The following ACOT13 variants were observed in gnomAD, a reference collection of about 807,000 sequenced individuals.
ACOT13 encodes the protein acyl-coenzyme A thioesterase 13.
ACOT13 carries 10 observed loss-of-function variants against 11.8 expected under a neutral mutation model. The observed-to-expected ratio is 0.85, with a 90% CI of 0.53 to 1.44. ACOT13 has a LOEUF of 1.44. ACOT13 is among the 40% of genes most tolerant of loss of function. The pLI, the probability that ACOT13 is intolerant of heterozygous loss-of-function variation, is 0.00. For synonymous variants in ACOT13, 53 were observed against 61.0 expected (o/e 0.87, Z 0.61); for missense variants, 172 against 174.1 (o/e 0.99, Z 0.07).
At chr6:24,686,413 G>T (rs868677661) in intron 1 of ACOT13, among the ~76,000 whole-genome samples, 2 of 152,242 alleles carry the variant, frequency 1.3e-5, no homozygotes, top group South Asian at 4.1e-4. Context: ...TCACAGTTCT[G>T]CAGGCTGTAC....
intron 1 of ACOT13, among the ~76,000 whole-genome samples, chr6:24,688,862 G>T (rs1341210043): frequency 6.6e-6 from 1 of 152,190 alleles, no homozygotes; most frequent in African/African-American, 2.4e-5. Flanking sequence ...TTCACCATAT[G>T]AATTGGTGTT....
At chr6:24,670,418 A>G (rs1327190626) in intron 1 of ACOT13, among the ~76,000 whole-genome samples, 1 of 152,210 alleles carries the variant, frequency 6.6e-6, no homozygotes, top group Non-Finnish European at 1.5e-5. Context: ...TTCTTTACTT[A>G]GCACATATCA....
intron 1 of ACOT13, among the ~76,000 whole-genome samples, chr6:24,676,739 CTT>C (rs927328892): frequency 5.3e-5 from 8 of 152,204 alleles, no homozygotes; most frequent in Non-Finnish European, 2.9e-5. Context: ...CCTTGCCGCT[CTT>C]TTGGCTTCAA....
chr6:24,694,362 G>C (rs1384031369), intron 1 of ACOT13, among the ~76,000 whole-genome samples: 1 of 152,154 alleles, frequency 6.6e-6, no homozygotes, highest in Non-Finnish European at 1.5e-5. Context: ...GGTGATATTT[G>C]AGGGTAGGCT....
chr6:24,671,242 G>GA (rs1321695629), intron 1 of ACOT13, among the ~76,000 whole-genome samples: 1 of 152,098 alleles, frequency 6.6e-6, no homozygotes, highest in Admixed American at 6.5e-5. Context: ...ACTGGATTAA[G>GA]AAAAAATGAC....
chr6:24,673,076 T>C (rs1778388531), intron 1 of ACOT13, among the ~76,000 whole-genome samples: 1 of 152,198 alleles, frequency 6.6e-6, no homozygotes, highest in African/African-American at 2.4e-5. Flanking sequence ...TAAAAGCACA[T>C]ACAGGAAAAT....
intron 1 of ACOT13, among the ~76,000 whole-genome samples, chr6:24,679,934 G>A (rs1156510744): frequency 3.3e-5 from 5 of 152,184 alleles, no homozygotes; most frequent in East Asian, 3.9e-4. Flanking sequence ...TGGCTGGGCC[G>A]AATTCTGCTC....
intron 2 of ACOT13, among the ~76,000 whole-genome samples, chr6:24,700,251 A>G (rs1778870081): frequency 6.6e-6 from 1 of 152,210 alleles, no homozygotes; most frequent in Admixed American, 6.5e-5. Context: ...AGGGTTCCTT[A>G]TCTTCCCTCA....
intron 1 of ACOT13, among the ~76,000 whole-genome samples, chr6:24,672,978 T>C (rs903768037): frequency 5.9e-5 from 9 of 152,196 alleles, no homozygotes; most frequent in South Asian, 4.1e-4. Flanking sequence ...ACAGCTTCAA[T>C]TGCTGTCAGT....
chr6:24,701,380 T>C (rs1778888870), intron 2 of ACOT13, 79 bp from the exon 3 acceptor site: 1 of 1,312,302 alleles, frequency 7.6e-7, no homozygotes, highest in Non-Finnish European at 1.0e-6. Flanking sequence ...ATAAGTTACA[T>C]AGGAACACTG....
chr6:24,679,488 C>T (rs1331455673), intron 1 of ACOT13, among the ~76,000 whole-genome samples: 2 of 152,192 alleles, frequency 1.3e-5, no homozygotes, highest in Non-Finnish European at 2.9e-5. Context: ...GGATTTTCTT[C>T]CTTTCCCTGT....
intron 1 of ACOT13, among the ~76,000 whole-genome samples, chr6:24,676,813 CTGCCACCTCT>C (rs1174584495): frequency 1.3e-5 from 2 of 152,154 alleles, no homozygotes. Context: ...CAGTGTAAGA[CTGCCACCTCT>C]TTAGGTTTCT....
intron 2 of ACOT13, 70 bp downstream of exon 2, chr6:24,698,137 T>G (rs1472923271): frequency 7.6e-7 from 1 of 1,308,650 alleles, no homozygotes; most frequent in Admixed American, 3.1e-5. Flanking sequence ...ACTAAACACA[T>G]TTATATTATT....
chr6:24,670,063 C>T (rs114769317), intron 1 of ACOT13, among the ~76,000 whole-genome samples: 3,972 of 152,196 alleles, frequency 0.026, 78 homozygotes, highest in South Asian at 0.043. Flanking sequence ...AAAAATTAGG[C>T]AAGACTAGTA....
intron 1 of ACOT13, among the ~76,000 whole-genome samples, chr6:24,682,372 A>ATGG (rs1004850838): frequency 1.3e-5 from 2 of 152,144 alleles, no homozygotes; most frequent in African/African-American, 4.8e-5. Context: ...CACTTCCAAG[A>ATGG]TGGTGGCAAG....
rs369559481 is a variant in ACOT13 at position 24,672,553 on chromosome 6, C to T, written c.81+5209C>T. ...ACTCGGGAGGCTGAGGCAGGAGAAT[C>T]GCTTGAAGCCAGGAGGCGGAGGTTA... is the stretch of plus-strand genomic sequence containing the variant. On this transcript the variant is annotated intron_variant, in intron 1 of 2. Coordinates refer to ENST00000230048, the MANE Select transcript of ACOT13 (RefSeq NM_018473.4). 6.6e-5 allele frequency among the ~76,000 whole-genome samples: 10 copies of T among 152,262 alleles called. No individual in the cohort carries two copies. In the South Asian group the frequency reaches 1.2e-3, roughly 19 times the overall value.
chr6:24,699,258 G>A (rs1562163388), intron 2 of ACOT13, among the ~76,000 whole-genome samples: 3 of 145,296 alleles, frequency 2.1e-5, no homozygotes, highest in Admixed American at 7.1e-5. Flanking sequence ...GGCCCAGGCT[G>A]GAGTGCAGTG....
At chr6:24,698,447 G>A (rs956130672) in intron 2 of ACOT13, among the ~76,000 whole-genome samples, 6 of 152,148 alleles carry the variant, frequency 3.9e-5, no homozygotes, top group Admixed American at 3.9e-4. Flanking sequence ...AGCACTTTGG[G>A]AGGCCGAGGC....
intron 1 of ACOT13, among the ~76,000 whole-genome samples, chr6:24,696,655 G>A (rs1778798330): frequency 6.6e-6 from 1 of 152,114 alleles, no homozygotes; most frequent in African/African-American, 2.4e-5. Flanking sequence ...TCACAGCTCA[G>A]CTCTAACTTA....
Sources: allele counts gnomAD v4.1 joint callset (sites outside exome capture counted in the v4.1 genomes callset), GRCh38; gene constraint gnomAD v4.1.1; transcripts MANE v1.5; gene names NCBI Gene and HGNC (gene_info 2026-07-23, HGNC 2026-07-21).